The following FRMD7 variants were observed in gnomAD, a reference collection of about 807,000 sequenced individuals.
The protein encoded by FRMD7 is FERM domain containing 7.
In FRMD7, 14 loss-of-function variants were observed where a neutral mutation model predicts 44.1. The observed-to-expected ratio is 0.32, with a 90% CI of 0.21 to 0.50. The LOEUF (loss-of-function observed/expected upper bound fraction) is 0.50, where lower values mean the gene tolerates loss of function less well. Among genes scored for constraint, FRMD7 ranks in the 20% least tolerant of loss-of-function variants. The probability of loss-of-function intolerance (pLI) is 0.99; values close to 1 mark genes in which losing one functional copy is unlikely to be tolerated. For synonymous variants in FRMD7, 212 were observed against 187.4 expected (o/e 1.13, Z -1.07); for missense variants, 501 against 522.3 (o/e 0.96, Z 0.40).
intron 1 of FRMD7, among the ~76,000 whole-genome samples, chrX:132,103,210 A>G (rs140213306): frequency 0.011 from 1,211 of 111,283 alleles, 25 homozygotes; most frequent in African/African-American, 0.038. Flanking sequence ...AATTTTTTCT[A>G]CCATTATGAT....
rs1398003751 is a variant in FRMD7 at position 132,078,324 on chromosome X, C to A, written c.1693G>T (p.Val565Leu). The change falls in exon 12 of 12, where the codon GTA becomes TTA. Residue 565 changes from valine to leucine, a missense_variant. Physicochemically the swap from Val to Leu is conservative, Grantham distance 32. Around this residue, in one of 3 missense-constraint regions of FRMD7, gnomAD observed 453 missense variants for 452.7 expected, o/e 1.00. Coordinates refer to ENST00000298542, the MANE Select transcript of FRMD7 (RefSeq NM_194277.3). ...ARTSGRSNIN[V>L]GLEEEDPNLE... ...TTTGGGTCTTCCTCTTCTAGACCTA[C>A]ATTGATGTTGCTCCTACCGCTAGTC... 2.5e-6 allele frequency: 3 copies of A among 1,210,348 alleles called. No homozygotes were observed. Among genetic ancestry groups the A allele is most frequent in the Non-Finnish European group, 3.4e-6 (3 of 895,156 alleles).
Position 132,084,514 on chromosome X carries a change from G to A in FRMD7, c.717C>T (p.Leu239=). Residue 239 remains leucine, a synonymous_variant, in exon 8 of 12, where the codon CTC becomes CTT. Coordinates refer to ENST00000298542, the MANE Select transcript of FRMD7 (RefSeq NM_194277.3). ...RKLSFKRKHF[L]IKLHANILVL... ...CCAAGATATTGGCATGAAGTTTGAT[G>A]AGAAAATGCTTTCTCTTAAAACTCA... is the stretch of plus-strand genomic sequence containing the variant. 2 of 1,177,876 alleles carry A rather than the reference G, an allele frequency of 1.7e-6. No homozygotes were observed. The highest frequency in any genetic ancestry group is 2.3e-6 in the Non-Finnish European group (2 of 864,515).
chrX:132,090,653 T>C (rs1928140654), intron 5 of FRMD7, among the ~76,000 whole-genome samples: 1 of 111,316 alleles, frequency 9.0e-6, no homozygotes, highest in South Asian at 3.8e-4. Context: ...CACAACTCTG[T>C]AAATTTGCTA....
rs1157636075 is a variant in FRMD7, at chrX:132,127,987, G to A, written c.-143C>T. 16 of 539,641 alleles carry A rather than the reference G, an allele frequency of 3.0e-5. No homozygotes were observed. The highest frequency in any genetic ancestry group is 5.2e-5 in the Admixed American group (2 of 38,705). 44.5% of individuals were successfully genotyped at this position (539,641 alleles called of 1,213,427 possible). A position where few individuals can be genotyped will look rare whatever the true frequency, so the allele number is the denominator to read the frequency against. On this transcript the variant is annotated 5_prime_UTR_variant, in exon 1 of 12. In the 5' UTR this introduces an upstream ATG that the reference lacks. Transcript: ENST00000298542. Reference sequence around the variant, plus strand: ...CCCACTGTCAGCGGGGCACACTTCCGTTTGCTTGAAGTAATGCACACCCAA... The same window carrying A: ...CCCACTGTCAGCGGGGCACACTTCCATTTGCTTGAAGTAATGCACACCCAA...
intron 4 of FRMD7, among the ~76,000 whole-genome samples, chrX:132,096,904 T>A (rs1928354353): frequency 9.0e-6 from 1 of 111,449 alleles, no homozygotes; most frequent in South Asian, 3.8e-4. Context: ...CCCCACATTT[T>A]CAATTTCCAT....
At chrX:132,099,727 A>T (rs1928443832) in intron 2 of FRMD7, among the ~76,000 whole-genome samples, 1 of 111,819 alleles carries the variant, frequency 8.9e-6, no homozygotes, top group South Asian at 3.7e-4. Flanking sequence ...TGATCTATAA[A>T]CTCTTTCTTG....
chrX:132,123,430 C>A (rs1929083647), intron 1 of FRMD7, among the ~76,000 whole-genome samples: 1 of 111,818 alleles, frequency 8.9e-6, no homozygotes, highest in Non-Finnish European at 1.9e-5. Context: ...AATCCAGGTA[C>A]CTTCTATTAC....
In FRMD7 at chrX:132,078,817, C is replaced by T. The variant is rs61751728; in HGVS notation, c.1200G>A (p.Ala400=). The T allele has an allele frequency of 1.6e-5, 19 of 1,208,622 alleles. No individual in the cohort carries two copies. The highest frequency in any genetic ancestry group is 5.9e-5 in the East Asian group (2 of 33,720). ...ATELEHSKPE[A]DPTLLHQSQS... is the part of the protein sequence containing the mutation. Reference sequence around the variant, plus strand: ...GGGACTGATGTAGCAATGTGGGATCCGCCTCTGGTTTGGAATGCTCCAGCT... The same window carrying T: ...GGGACTGATGTAGCAATGTGGGATCTGCCTCTGGTTTGGAATGCTCCAGCT... The change falls in exon 12 of 12, where the codon GCG becomes GCA. Residue 400 remains alanine, a synonymous_variant. Coordinates refer to ENST00000298542, the MANE Select transcript of FRMD7 (RefSeq NM_194277.3).
At chrX:132,125,551 T>TAG (rs1929135279) in intron 1 of FRMD7, among the ~76,000 whole-genome samples, 1 of 111,821 alleles carries the variant, frequency 8.9e-6, no homozygotes, top group South Asian at 3.7e-4. Context: ...TTTGGAATGT[T>TAG]AGTACTAATA....
At chrX:132,080,989 A>G (rs1441196417) in intron 9 of FRMD7, among the ~76,000 whole-genome samples, 1 of 109,796 alleles carries the variant, frequency 9.1e-6, no homozygotes, top group Non-Finnish European at 1.9e-5. Context: ...TTAGGCATAC[A>G]CTAACAAAGA....
At chrX:132,096,953 C>T (rs1316536788) in intron 4 of FRMD7, among the ~76,000 whole-genome samples, 2 of 110,903 alleles carry the variant, frequency 1.8e-5, no homozygotes, top group African/African-American at 6.6e-5. Context: ...GTTAAGCTGC[C>T]CTCTCTGACT....
At chrX:132,108,806 G>T (rs1928708749) in intron 1 of FRMD7, among the ~76,000 whole-genome samples, 1 of 111,314 alleles carries the variant, frequency 9.0e-6, no homozygotes, top group Non-Finnish European at 1.9e-5. Context: ...AGTCTCACAA[G>T]ATCTGATGGT....
chrX:132,086,921 C>T (rs1928010835), intron 5 of FRMD7, among the ~76,000 whole-genome samples: 1 of 112,015 alleles, frequency 8.9e-6, no homozygotes, highest in South Asian at 3.7e-4. Flanking sequence ...ATCTGAAATC[C>T]CCAATAGATG....
intron 6 of FRMD7, 58 bp from the exon 7 acceptor site, chrX:132,085,786 C>A: frequency 8.9e-7 from 1 of 1,123,615 alleles, no homozygotes; most frequent in Non-Finnish European, 1.2e-6. Context: ...CATTTCCACC[C>A]TGAGAGCTCC....
chrX:132,124,076 A>G (rs1017683989), intron 1 of FRMD7, among the ~76,000 whole-genome samples: 3 of 111,714 alleles, frequency 2.7e-5, no homozygotes, highest in Non-Finnish European at 3.8e-5. Context: ...GTGTGCACAC[A>G]TGCATGTGCA....
chrX:132,087,627 A>T (rs111987070), intron 5 of FRMD7, among the ~76,000 whole-genome samples: 2,372 of 111,841 alleles, frequency 0.021, 36 homozygotes, highest in Non-Finnish European at 0.034. Flanking sequence ...AAATATTCAA[A>T]GAAGAAATAA....
At chrX:132,097,402 TACAC>T (rs762194321) in intron 3 of FRMD7, 58 bp from the exon 4 acceptor site, 1,376 of 565,030 alleles carry the variant, frequency 2.4e-3, no homozygotes, top group Middle Eastern at 3.6e-3. Flanking sequence ...CAGTTATAGG[TACAC>T]ACACACACAC....
chrX:132,091,853 C>T (rs925218241), intron 5 of FRMD7, among the ~76,000 whole-genome samples: 8 of 110,382 alleles, frequency 7.2e-5, no homozygotes, highest in Non-Finnish European at 1.5e-4. Flanking sequence ...ATATTTATGC[C>T]GATGTTAACT....
At chrX:132,107,455 A>T (rs1928673246) in intron 1 of FRMD7, among the ~76,000 whole-genome samples, 1 of 111,623 alleles carries the variant, frequency 9.0e-6, no homozygotes, top group African/African-American at 3.3e-5. Flanking sequence ...AAAATACCAT[A>T]GAGTGGGTGG....
Sources: gnomAD v4.1 joint callset for allele counts (sites outside exome capture counted in the v4.1 genomes callset) on GRCh38, gnomAD v4.1.1 for gene constraint, gnomAD v4.1.1 regional missense constraint, MANE v1.5 for transcripts, NCBI Gene and HGNC (gene_info 2026-07-23, HGNC 2026-07-21) for gene names.